The following DGKB variants were observed in gnomAD, a reference collection of about 807,000 sequenced individuals.
DGKB encodes diacylglycerol kinase beta, also known as 90 kDa diacylglycerol kinase.
DGKB carries 67 observed loss-of-function variants against 114.3 expected under a neutral mutation model. The observed-to-expected ratio is 0.59, with a 90% CI of 0.48 to 0.72. The LOEUF (loss-of-function observed/expected upper bound fraction) is 0.72. DGKB is among the 30% of genes least tolerant of loss of function. The pLI, the probability that DGKB is intolerant of heterozygous loss-of-function variation, is 0.00. For missense variants in DGKB, 907 were observed against 975.2 expected (o/e 0.93, Z 0.93); for synonymous variants, 398 against 323.1 (o/e 1.23, Z -2.49).
chr7:14,927,652 T>G (rs540119764), intron 1 of DGKB, among the ~76,000 whole-genome samples: 1 of 152,164 alleles, frequency 6.6e-6, no homozygotes, highest in Admixed American at 6.5e-5. Context: ...CTGCTTTTTA[T>G]GAAGAAAAAT....
At chr7:14,314,384 A>G (rs1054975584) in intron 23 of DGKB, among the ~76,000 whole-genome samples, 3 of 150,780 alleles carry the variant, frequency 2.0e-5, no homozygotes, top group African/African-American at 7.3e-5. Flanking sequence ...AAAACTTTGA[A>G]AAAAATTTAG....
intron 1 of DGKB, among the ~76,000 whole-genome samples, chr7:14,857,258 T>TTGTGTGTCTG (rs1554308217): frequency 7.2e-6 from 1 of 138,262 alleles, no homozygotes; most frequent in Non-Finnish European, 1.6e-5. Context: ...CTGTGTGTGT[T>TTGTGTGTCTG]TGTGTGTGTG....
chr7:14,366,724 T>C (rs954144922), intron 21 of DGKB, among the ~76,000 whole-genome samples: 1 of 152,124 alleles, frequency 6.6e-6, no homozygotes, highest in Non-Finnish European at 1.5e-5. Flanking sequence ...TCTAATATTA[T>C]AATTAGGCAT....
At chr7:14,691,904 A>G in intron 9 of DGKB, among the ~76,000 whole-genome samples, 1 of 149,150 alleles carries the variant, frequency 6.7e-6, no homozygotes, top group Admixed American at 6.6e-5. Flanking sequence ...AGCTCCAGAC[A>G]CTCCCTTTTA....
At chr7:14,149,349 G>C (rs1296625268) in intron 25 of DGKB, 111 bp from the exon 26 acceptor site, 3 of 694,312 alleles carry the variant, frequency 4.3e-6, no homozygotes, top group South Asian at 2.1e-5. Context: ...ATGAGTGACT[G>C]AAACACCGCA....
At chr7:14,673,114 A>G in intron 12 of DGKB, 87 bp from the exon 13 acceptor site, 1 of 714,940 alleles carries the variant, frequency 1.4e-6, no homozygotes, top group Non-Finnish European at 2.4e-6. Context: ...AGATACAGCA[A>G]ACACATTAAA....
At chr7:14,641,238 TAGGG>T in intron 13 of DGKB, among the ~76,000 whole-genome samples, 1 of 24,402 alleles carries the variant, frequency 4.1e-5, no homozygotes. Context: ...TTTTACAATA[TAGGG>T]ATTTGGTTTA....
At chr7:14,760,261 T>C (rs964430908) in intron 2 of DGKB, among the ~76,000 whole-genome samples, 1 of 152,200 alleles carries the variant, frequency 6.6e-6, no homozygotes, top group Non-Finnish European at 1.5e-5. Flanking sequence ...TGTCCCTTGC[T>C]AGATTGGAGG....
Position 14,729,402 on chromosome 7 carries a change from A to G in DGKB, c.322+6639T>C, listed in dbSNP as rs563085712. Among the ~76,000 whole-genome samples the G allele has an allele frequency of 1.5e-3, 231 of 152,228 alleles. 1 individual carries two copies. The highest frequency in any genetic ancestry group is 3.5e-3 in the South Asian group (17 of 4,822). Reference sequence around the variant, plus strand: ...CTCCCAAAGTGCTGGGATTACAGGCACGAGCCATCATTTTGCTCACTGATG... The same window carrying G: ...CTCCCAAAGTGCTGGGATTACAGGCGCGAGCCATCATTTTGCTCACTGATG... On this transcript the variant is annotated intron_variant, in intron 5 of 25. Transcript: ENST00000402815.
At chr7:14,212,375 GTGTTTTGTGATATTTACTCTCA>G (rs1344387511) in intron 23 of DGKB, among the ~76,000 whole-genome samples, 702 of 10,680 alleles carry the variant, frequency 0.066, 222 homozygotes, top group Non-Finnish European at 0.07. Flanking sequence ...TTTTACTCTC[GTGTTTTGTGATATTTACTCTCA>G]TGTTTTGTGA....
intron 20 of DGKB, among the ~76,000 whole-genome samples, chr7:14,525,522 C>A (rs1204638864): frequency 6.6e-6 from 1 of 152,150 alleles, no homozygotes; most frequent in African/African-American, 2.4e-5. Flanking sequence ...TTCTGCCCAA[C>A]AAGGGATTCT....
chr7:14,261,260 C>CAAACT (rs1202334946), intron 23 of DGKB, among the ~76,000 whole-genome samples: 1 of 150,686 alleles, frequency 6.6e-6, no homozygotes, highest in Non-Finnish European at 1.5e-5. Context: ...AAAAAAAAGC[C>CAAACT]AAACTATAAA....
At chr7:14,539,281 TG>T (rs1793030615) in intron 20 of DGKB, among the ~76,000 whole-genome samples, 1 of 152,166 alleles carries the variant, frequency 6.6e-6, no homozygotes, top group Admixed American at 6.6e-5. Context: ...TCATTAATTA[TG>T]TGTGGTTTCA....
intron 25 of DGKB, among the ~76,000 whole-genome samples, chr7:14,155,505 G>T (rs1229755821): frequency 6.6e-6 from 1 of 152,066 alleles, no homozygotes; most frequent in African/African-American, 2.4e-5. Flanking sequence ...CTGAGTTTTA[G>T]TTACATCATC....
intron 20 of DGKB, among the ~76,000 whole-genome samples, chr7:14,478,512 G>C (rs750925227): frequency 2.0e-5 from 3 of 151,994 alleles, no homozygotes; most frequent in Non-Finnish European, 4.4e-5. Context: ...TTAATGACTG[G>C]CTTTGGCCTC....
At chr7:14,963,698 T>C (rs1216071848) in intron 1 of DGKB, among the ~76,000 whole-genome samples, 2 of 152,144 alleles carry the variant, frequency 1.3e-5, no homozygotes, top group Admixed American at 1.3e-4. Context: ...AAGATTTGAT[T>C]GCCAGATAGG....
At chr7:14,759,325 T>C (rs1835356696) in intron 2 of DGKB, among the ~76,000 whole-genome samples, 1 of 152,208 alleles carries the variant, frequency 6.6e-6, no homozygotes. Context: ...ATATTCATGA[T>C]GTTGTGCAAT....
At chr7:14,653,568 G>A (rs1413592735) in intron 13 of DGKB, among the ~76,000 whole-genome samples, 1 of 151,892 alleles carries the variant, frequency 6.6e-6, no homozygotes, top group African/African-American at 2.4e-5. Flanking sequence ...TGACGAGTTA[G>A]TGGGTTCAGC....
At chr7:14,625,069 C>A (rs1198088041) in intron 14 of DGKB, among the ~76,000 whole-genome samples, 2 of 151,960 alleles carry the variant, frequency 1.3e-5, no homozygotes, top group African/African-American at 4.8e-5. Flanking sequence ...TATGAGATTT[C>A]ATTTATGAAA....
Sources: allele counts gnomAD v4.1 joint callset (sites outside exome capture counted in the v4.1 genomes callset), GRCh38; gene constraint gnomAD v4.1.1; transcripts MANE v1.5; gene names NCBI Gene and HGNC (gene_info 2026-07-23, HGNC 2026-07-21).